The following MMRN1 variants were observed in gnomAD, a reference collection of about 807,000 sequenced individuals.
MMRN1 encodes the protein multimerin-1.
A neutral mutation model predicts 100.7 loss-of-function variants in MMRN1; 94 were observed. The observed-to-expected ratio is 0.93, with a 90% CI of 0.79 to 1.11. The LOEUF is 1.11. Among genes scored for constraint, MMRN1 ranks in the 50% least tolerant of loss-of-function variants. The probability of loss-of-function intolerance (pLI) is 0.00; values close to 1 mark genes in which losing one functional copy is unlikely to be tolerated. For missense variants in MMRN1, 1,606 were observed against 1,439.1 expected, an observed-to-expected ratio of 1.12 and a Z score of -1.88; for synonymous variants, 575 against 505.0, an observed-to-expected ratio of 1.14 and a Z score of -1.86.
intron 3 of MMRN1, among the ~76,000 whole-genome samples, chr4:89,912,634 C>G (rs1721791599): frequency 6.6e-6 from 1 of 150,416 alleles, no homozygotes; most frequent in African/African-American, 2.4e-5. Context: ...ATCCATGTGA[C>G]TATTATTTTG....
At position 89,888,087 on chromosome 4, in the gene MMRN1, TGATAA is replaced by T. The variant is rs1286333623; in HGVS notation, c.-248-6631_-248-6627del. On this transcript the variant is annotated intron_variant, in intron 1 of 8. Transcript: ENST00000394980. Reference sequence around the variant, plus strand: ...ATATCAATTATCTACATTTTTTAATTGATAAGATAATATCAAATTTGTTTACATAT... The same window carrying T: ...ATATCAATTATCTACATTTTTTAATTGATAATATCAAATTTGTTTACATAT... Among the ~76,000 whole-genome samples, 8 of 150,118 alleles carry T rather than the reference TGATAA, an allele frequency of 5.3e-5. No individual in the cohort carries two copies. In the South Asian group the frequency reaches 1.0e-3, roughly 20 times the overall value.
rs767174258 is a variant in MMRN1 at position 89,935,339 on chromosome 4, A to G, written c.1659A>G (p.Ile553Met). 4 of 1,613,334 alleles carry G rather than the reference A, an allele frequency of 2.5e-6. No individual in the cohort carries two copies. The highest frequency in any genetic ancestry group is 2.5e-6 in the Non-Finnish European group (3 of 1,179,708). ...ACATGTCTACTTTACATGAAAATAT[A>G]AAGAAGCAGAGTTTGATGATGCTGC... Reference protein sequence around the residue: ...TEYMSTLHENIKKQSLMMLQM... With the variant: ...TEYMSTLHENMKKQSLMMLQM... Residue 553 changes from isoleucine (I) to methionine (M), a missense_variant, in exon 6 of 8, where the codon ATA becomes ATG. Physicochemically the swap from Ile to Met is conservative, Grantham distance 10. Coordinates refer to ENST00000264790, the MANE Select transcript of MMRN1 (RefSeq NM_007351.3).
chr4:89,917,580 C>T (rs189394959), intron 3 of MMRN1, among the ~76,000 whole-genome samples: 2 of 151,988 alleles, frequency 1.3e-5, no homozygotes, highest in Non-Finnish European at 2.9e-5. Context: ...CCAAAAATCA[C>T]TCATATCATT....
intron 7 of MMRN1, among the ~76,000 whole-genome samples, chr4:89,952,329 A>G (rs1723206155): frequency 6.6e-6 from 1 of 152,154 alleles, no homozygotes; most frequent in African/African-American, 2.4e-5. Context: ...ACCATTTCTG[A>G]TTTTTATACA....
intron 1 of MMRN1, among the ~76,000 whole-genome samples, chr4:89,901,365 T>G (rs1721382116): frequency 6.6e-6 from 1 of 151,500 alleles, no homozygotes; most frequent in Admixed American, 6.6e-5. Flanking sequence ...AATTAGAAAA[T>G]TAGAAATTAT....
At chr4:89,923,418 T>C (rs1722152441) in intron 4 of MMRN1, 146 bp downstream of exon 4, 2 of 761,434 alleles carry the variant, frequency 2.6e-6, no homozygotes, top group Admixed American at 2.2e-5. Context: ...TGGTGCTGGA[T>C]GTTGGGAGAA....
At chr4:89,919,921 A>C (rs573176309) in intron 3 of MMRN1, among the ~76,000 whole-genome samples, 1 of 152,178 alleles carries the variant, frequency 6.6e-6, no homozygotes, top group Admixed American at 6.6e-5. Flanking sequence ...TGTAGCAAAT[A>C]CAAAAATCAT....
chr4:89,941,470 G>A (rs1477897651), intron 6 of MMRN1, among the ~76,000 whole-genome samples: 1 of 152,044 alleles, frequency 6.6e-6, no homozygotes, highest in Non-Finnish European at 1.5e-5. Context: ...AATTAGTAAC[G>A]TGTACATTAA....
intron 6 of MMRN1, among the ~76,000 whole-genome samples, chr4:89,950,550 G>A (rs992243126): frequency 2.6e-5 from 4 of 151,948 alleles, no homozygotes; most frequent in Admixed American, 6.6e-5. Flanking sequence ...TTTAAATAAT[G>A]TTATTATTGC....
intron 6 of MMRN1, among the ~76,000 whole-genome samples, chr4:89,944,913 T>C (rs1407431778): frequency 1.5e-4 from 23 of 152,182 alleles, no homozygotes; most frequent in Admixed American, 1.5e-3. Context: ...AGATAGCCTA[T>C]GAGTTTTGAC....
intron 1 of MMRN1, among the ~76,000 whole-genome samples, chr4:89,897,594 T>G (rs1257607501): frequency 6.6e-6 from 1 of 152,192 alleles, no homozygotes; most frequent in Non-Finnish European, 1.5e-5. Context: ...ACATACCATA[T>G]AGAAAGTGGC....
chr4:89,918,347 A>T (rs1488268153), intron 3 of MMRN1, among the ~76,000 whole-genome samples: 1 of 151,778 alleles, frequency 6.6e-6, no homozygotes, highest in East Asian at 1.9e-4. Flanking sequence ...TCTGAAAATC[A>T]GTTATTTTTT....
intron 6 of MMRN1, among the ~76,000 whole-genome samples, chr4:89,938,959 C>T (rs988184714): frequency 6.6e-6 from 1 of 151,962 alleles, no homozygotes; most frequent in Non-Finnish European, 1.5e-5. Flanking sequence ...ATGTATGGGA[C>T]CCTTTTAAGT....
chr4:89,912,663 T>C (rs1721791960), intron 3 of MMRN1, among the ~76,000 whole-genome samples: 2 of 151,076 alleles, frequency 1.3e-5, no homozygotes, highest in African/African-American at 2.4e-5. Flanking sequence ...TTTAAACAGG[T>C]TTCCTTTGAA....
At chr4:89,913,099 T>C (rs151138603) in intron 3 of MMRN1, among the ~76,000 whole-genome samples, 173 of 151,392 alleles carry the variant, frequency 1.1e-3, no homozygotes, top group Middle Eastern at 0.01. Context: ...GAATTTAGCA[T>C]ATTTTAAAAA....
intron 6 of MMRN1, among the ~76,000 whole-genome samples, chr4:89,944,741 G>T (rs957176557): frequency 6.6e-6 from 1 of 151,974 alleles, no homozygotes; most frequent in Non-Finnish European, 1.5e-5. Flanking sequence ...AGTTACATTT[G>T]GTAAAATAAT....
At position 89,944,910 on chromosome 4, in the gene MMRN1, C is replaced by T. The variant is rs115673666; in HGVS notation, c.3119-6695C>T. 9.6e-4 allele frequency among the ~76,000 whole-genome samples: 146 copies of T among 152,188 alleles called. 1 individual carries two copies. The highest frequency in any genetic ancestry group is 2.5e-3 in the African/African-American group (105 of 41,542). ...AAATGTACTAATGTTGATAGATAGC[C>T]TATGAGTTTTGACAAATACATAGTC... On this transcript the variant is annotated intron_variant, in intron 6 of 7. Transcript: ENST00000264790.
At chr4:89,915,838 C>T (rs1474169999) in intron 3 of MMRN1, among the ~76,000 whole-genome samples, 2 of 151,688 alleles carry the variant, frequency 1.3e-5, no homozygotes, top group African/African-American at 4.8e-5. Context: ...AAATGTCCTT[C>T]TGTCCCTGTA....
chr4:89,913,048 T>A (rs1721805778), intron 3 of MMRN1, among the ~76,000 whole-genome samples: 1 of 151,254 alleles, frequency 6.6e-6, no homozygotes, highest in Non-Finnish European at 1.5e-5. Context: ...AATAAACTTT[T>A]AAATAAAATA....
Sources: gnomAD v4.1 joint callset for allele counts (sites outside exome capture counted in the v4.1 genomes callset) on GRCh38, gnomAD v4.1.1 for gene constraint, MANE v1.5 for transcripts, NCBI Gene and HGNC (gene_info 2026-07-23, HGNC 2026-07-21) for gene names.